MKI67: variants seen among roughly 807,000 people sequenced by gnomAD.
MKI67 encodes marker of proliferation Ki-67.
Under a neutral mutation model 233.5 loss-of-function variants are expected in MKI67, and 152 were observed. The observed-to-expected ratio is 0.65, with a 90% confidence interval of 0.57 to 0.74. MKI67 has a LOEUF of 0.74. MKI67 is among the 30% of genes least tolerant of loss of function. The pLI is 0.00. For synonymous variants in MKI67, 1,465 were observed against 1,418.5 expected, an observed-to-expected ratio of 1.03 and a Z score of -0.74; for missense variants, 3,940 against 3,885.2, an observed-to-expected ratio of 1.01 and a Z score of -0.37.
In MKI67 at chr10:128,115,104, G is replaced by C. The variant is rs147894598; in HGVS notation, c.1304C>G (p.Thr435Arg). The C allele has an allele frequency of 1.2e-6, 2 of 1,614,070 alleles. No individual in the cohort carries two copies. The highest frequency in any genetic ancestry group is 1.7e-6 in the Non-Finnish European group (2 of 1,179,944). ...TGGCTCATTGTGAATTTCAGTTTCCGTAGGCAGAACTTCCACATCTGTAGG... is the reference window on the plus strand; with the variant it reads ...TGGCTCATTGTGAATTTCAGTTTCCCTAGGCAGAACTTCCACATCTGTAGG... ...SIPTDVEVLP[T>R]ETEIHNEPFL... The change falls in exon 7 of 15, where the codon ACG becomes AGG. Residue 435 changes from threonine to arginine, a missense_variant. Transcript: ENST00000368654.
Position 128,109,032 on chromosome 10 carries a change from A to C in MKI67, c.2808T>G (p.Ile936Met), listed in dbSNP as rs1364187780. The change falls in exon 13 of 15, where the codon ATT (isoleucine) becomes ATG (methionine). Residue 936 changes from isoleucine to methionine, a missense_variant. Coordinates refer to ENST00000368654, the MANE Select transcript of MKI67 (RefSeq NM_002417.5). ...TCTTTTCATCGTTTTCTTTTAATTCAATATTTTCCTTATATGTCTCAAAAG... is the reference window on the plus strand; with the variant it reads ...TCTTTTCATCGTTTTCTTTTAATTCCATATTTTCCTTATATGTCTCAAAAG... Reference protein sequence around the residue: ...ERPFETYKENIELKENDEKMK... With the variant: ...ERPFETYKENMELKENDEKMK... 1 of 1,613,892 alleles carries C rather than the reference A, an allele frequency of 6.2e-7. No individual in the cohort carries two copies. Among genetic ancestry groups the C allele is most frequent in the Non-Finnish European group, 8.5e-7 (1 of 1,179,990 alleles).
At chr10:128,113,312 T>TAATA (rs995056480) in intron 8 of MKI67, 115 bp downstream of exon 8, 2 of 1,219,868 alleles carry the variant, frequency 1.6e-6, no homozygotes, top group Admixed American at 2.3e-5. Context: ...CTTGTTTCTT[T>TAATA]AATAAATAAA....
chr10:128,101,426 C>T lies in MKI67; in HGVS notation c.9537G>A (p.Ala3179=), dbSNP rs866835750. The change falls in exon 14 of 15, where the codon GCG becomes GCA. Residue 3179 remains alanine, a synonymous_variant. Transcript: ENST00000368654. ...VAEESGGQKS[A]KVLMQNQKGK... ...CTTTCTGATTCTGCATGAGAACCTT[C>T]GCACTCTTCTGCCCTCCGCTCTCCT... 1.7e-5 allele frequency: 27 copies of T among 1,614,060 alleles called. No homozygotes were observed. Among genetic ancestry groups the T allele is most frequent in the Non-Finnish European group, 1.9e-5 (22 of 1,180,034 alleles).
intron 14 of MKI67, 29 bp from the exon 15 acceptor site, chr10:128,099,284 TTAAG>T (rs1852281693): frequency 1.9e-6 from 3 of 1,587,578 alleles, no homozygotes; most frequent in Admixed American, 1.7e-5. Context: ...AATAGAACTC[TTAAG>T]TAATTTAAAC....
Position 128,102,636 on chromosome 10 carries a change from G to A in MKI67, c.9204C>T (p.Asn3068=), listed in dbSNP as rs575407769. ...RIEPAEELNS[N]DMKTNKEEHK... ...GTTCCTCTTTGTTGGTTTTCATGTC[G>A]TTGCTGTTCAGCTCTTCCGCAGGTT... The change falls in exon 13 of 15, where the codon AAC becomes AAT. Residue 3068 remains asparagine (N), a synonymous_variant. Coordinates refer to ENST00000368654, the MANE Select transcript of MKI67 (RefSeq NM_002417.5). 19 of 1,614,084 alleles carry A rather than the reference G, an allele frequency of 1.2e-5. No homozygotes were observed. In the East Asian group the frequency reaches 2.5e-4, roughly 21 times the overall value.
intron 6 of MKI67, among the ~76,000 whole-genome samples, 173 bp from the exon 7 acceptor site, chr10:128,116,180 T>C (rs1590314693): frequency 6.6e-6 from 1 of 152,238 alleles, no homozygotes; most frequent in South Asian, 2.1e-4. Flanking sequence ...AGTATTATGA[T>C]ACAAATATAT....
Position 128,102,701 on chromosome 10 carries a change from T to C in MKI67, c.9139A>G (p.Ile3047Val), listed in dbSNP as rs370932907. 2.2e-5 allele frequency: 35 copies of C among 1,614,146 alleles called. No individual in the cohort carries two copies. The highest frequency in any genetic ancestry group is 1.6e-5 in the Non-Finnish European group (19 of 1,180,054). ...GAAGTCCTCAAACTTCTCTTCATGA[T>C]GACCACGGGTTCGGATGATTTGCCT... The part of the protein sequence containing the change: ...ARGKSSEPVV[I>V]MKRSLRTSAK... The change falls in exon 13 of 15, where the codon ATC becomes GTC. Residue 3047 changes from isoleucine to valine, a missense_variant. Coordinates refer to ENST00000368654, the MANE Select transcript of MKI67 (RefSeq NM_002417.5).
Position 128,104,964 on chromosome 10 carries a change from C to G in MKI67, c.6876G>C (p.Leu2292=). The change falls in exon 13 of 15, where the codon CTG becomes CTC. Residue 2292 remains leucine (L), a synonymous_variant. Coordinates refer to ENST00000368654, the MANE Select transcript of MKI67 (RefSeq NM_002417.5). Reference sequence around the variant, plus strand: ...TTTTGCTGCCAGGTAAATTTCCTGGCAGGTCCAATTTCTGCACTGGAGTTC... The same window carrying G: ...TTTTGCTGCCAGGTAAATTTCCTGGGAGGTCCAATTTCTGCACTGGAGTTC... ...FMGTPVQKLD[L]PGNLPGSKRW... is the part of the protein sequence containing the mutation. The G allele has an allele frequency of 1.2e-6, 2 of 1,613,126 alleles. No homozygotes were observed. The highest frequency in any genetic ancestry group is 1.7e-6 in the Non-Finnish European group (2 of 1,179,894).
rs150995439 is a variant in MKI67, at chr10:128,106,831, C to T, written c.5009G>A (p.Gly1670Asp). 21 of 1,613,864 alleles carry T rather than the reference C, an allele frequency of 1.3e-5. No homozygotes were observed. The highest frequency in any genetic ancestry group is 1.7e-5 in the Admixed American group (1 of 59,988). ...THTHTEPTGD[G>D]KSMKAFMESP... Reference sequence around the variant, plus strand: ...CTCCATAAATGCTTTCATGCTCTTACCATCTCCTGTTGGCTCTGTGTGTGT... The same window carrying T: ...CTCCATAAATGCTTTCATGCTCTTATCATCTCCTGTTGGCTCTGTGTGTGT... The change falls in exon 13 of 15, where the codon GGT (glycine) becomes GAT (aspartate). Residue 1670 changes from glycine to aspartate, a missense_variant. Coordinates refer to ENST00000368654, the MANE Select transcript of MKI67 (RefSeq NM_002417.5).
Position 128,107,164 on chromosome 10 carries a change from A to C in MKI67, c.4676T>G (p.Val1559Gly). 3 of 1,613,712 alleles carry C rather than the reference A, an allele frequency of 1.9e-6. No individual in the cohort carries two copies. The highest frequency in any genetic ancestry group is 1.7e-6 in the Non-Finnish European group (2 of 1,179,968). The change falls in exon 13 of 15, where the codon GTG becomes GGG. Residue 1559 changes from valine (V) to glycine (G), a missense_variant. Coordinates refer to ENST00000368654, the MANE Select transcript of MKI67 (RefSeq NM_002417.5). The stretch of plus-strand genomic sequence containing the variant: ...GTTCTCTGTCAGGTCCAGTTTCTGC[A>C]CTGGAGTTCCCATAAATGCGTAGAT... ...KNIYAFMGTP[V>G]QKLDLTENLT...
intron 7 of MKI67, 81 bp downstream of exon 7, chr10:128,114,847 T>C (rs1852762804): frequency 3.0e-6 from 4 of 1,327,342 alleles, no homozygotes; most frequent in Non-Finnish European, 4.1e-6. Flanking sequence ...AGCTAATCAC[T>C]ACTGAAAGAA....
Position 128,105,003 on chromosome 10 carries a change from C to T in MKI67, c.6837G>A (p.Met2279Ile), listed in dbSNP as rs1387961900. Residue 2279 changes from methionine to isoleucine, a missense_variant, in exon 13 of 15, where the codon ATG becomes ATA. Transcript: ENST00000368654. ...PKPAGGDEKDMKAFMGTPVQK... is the reference protein window; with the variant it reads ...PKPAGGDEKDIKAFMGTPVQK... Reference sequence around the variant, plus strand: ...GCACTGGAGTTCCCATAAATGCTTTCATGTCTTTCTCATCACCTCCTGCTG... The same window carrying T: ...GCACTGGAGTTCCCATAAATGCTTTTATGTCTTTCTCATCACCTCCTGCTG... 2.5e-5 allele frequency: 40 copies of T among 1,612,316 alleles called. No homozygotes were observed. Among genetic ancestry groups the T allele is most frequent in the Non-Finnish European group, 3.1e-5 (37 of 1,179,620 alleles).
rs1565012141 is a variant in MKI67, at chr10:128,115,425, G to T, written c.983C>A (p.Thr328Asn). Residue 328 changes from threonine (T) to asparagine (N), a missense_variant, in exon 7 of 15, where the codon ACT becomes AAT. By Grantham distance (65) the Thr-to-Asn change is moderately conservative (BLOSUM62 0). Coordinates refer to ENST00000368654, the MANE Select transcript of MKI67 (RefSeq NM_002417.5). ...GKGRDVESVQ[T>N]PSKAVGASFP... Reference sequence around the variant, plus strand: ...GCTGGCGCCCACAGCCTTGCTGGGAGTCTGAACAGACTCCACGTCTCTTCC... The same window carrying T: ...GCTGGCGCCCACAGCCTTGCTGGGATTCTGAACAGACTCCACGTCTCTTCC... The T allele has an allele frequency of 1.2e-6, 2 of 1,614,080 alleles. No homozygotes were observed. The highest frequency in any genetic ancestry group is 1.7e-6 in the Non-Finnish European group (2 of 1,180,004).
At position 128,108,367 on chromosome 10, in the gene MKI67, T is replaced by G; in HGVS notation, c.3473A>C (p.Glu1158Ala). 14 of 1,613,820 alleles carry G rather than the reference T, an allele frequency of 8.7e-6. No individual in the cohort carries two copies. Among genetic ancestry groups the G allele is most frequent in the Non-Finnish European group, 1.2e-5 (14 of 1,179,950 alleles). ...KRSLRKADVE[E>A]EFLALRKLTP... is the part of the protein sequence containing the mutation. Reference sequence around the variant, plus strand: ...TAGTTTCCTGAGTGCTAAGAATTCTTCCTCTACATCTGCTTTCCTGAGACT... The same window carrying G: ...TAGTTTCCTGAGTGCTAAGAATTCTGCCTCTACATCTGCTTTCCTGAGACT... Residue 1158 changes from glutamate (E) to alanine (A), a missense_variant, in exon 13 of 15, where the codon GAA becomes GCA. Coordinates refer to ENST00000368654, the MANE Select transcript of MKI67 (RefSeq NM_002417.5).
chr10:128,112,944 A>T (rs1411063686), intron 8 of MKI67, among the ~76,000 whole-genome samples: 1 of 152,256 alleles, frequency 6.6e-6, no homozygotes, highest in Non-Finnish European at 1.5e-5. Flanking sequence ...AGGACAACAC[A>T]GCAAAGGAAC....
Position 128,108,408 on chromosome 10 carries a change from C to T in MKI67, c.3432G>A (p.Lys1144=). The change falls in exon 13 of 15, where the codon AAG becomes AAA. Residue 1144 remains lysine, a synonymous_variant. Transcript: ENST00000368654. ...TCCTGAGACTTCTCTTAGGCCATTGCTTTGTGCTTGTTGGAGTGTCCACTG... is the reference window on the plus strand; with the variant it reads ...TCCTGAGACTTCTCTTAGGCCATTGTTTTGTGCTTGTTGGAGTGTCCACTG... The part of the protein sequence containing the change: ...PESVDTPTST[K]QWPKRSLRKA... 2 of 1,614,142 alleles carry T rather than the reference C, an allele frequency of 1.2e-6. No individual in the cohort carries two copies. Among genetic ancestry groups the T allele is most frequent in the South Asian group, 2.2e-5 (2 of 91,078 alleles).
In MKI67 at chr10:128,112,272, C is replaced by CT; in HGVS notation, c.1829dup (p.Thr611AspfsTer5). 1.2e-6 allele frequency: 2 copies of CT among 1,614,216 alleles called. No homozygotes were observed. The highest frequency in any genetic ancestry group is 8.5e-7 in the Non-Finnish European group (1 of 1,180,052). ...TCCCTCCTCTCTTAGGAACCTCTGT[C>CT]TGAGATTTGCTGCTGGAAGCAGGGG... On this transcript the variant is annotated frameshift_variant, in exon 9 of 15. Transcript: ENST00000368654. LOFTEE classifies it high-confidence loss of function.
At position 128,109,035 on chromosome 10, in the gene MKI67, A is replaced by G. The variant is rs1276704799; in HGVS notation, c.2805T>C (p.Asn935=). 3 of 1,613,618 alleles carry G rather than the reference A, an allele frequency of 1.9e-6. No homozygotes were observed. Among genetic ancestry groups the G allele is most frequent in the African/African-American group, 2.7e-5 (2 of 74,752 alleles). ...TTTCATCGTTTTCTTTTAATTCAATATTTTCCTTATATGTCTCAAAAGGTC... is the reference window on the plus strand; with the variant it reads ...TTTCATCGTTTTCTTTTAATTCAATGTTTTCCTTATATGTCTCAAAAGGTC... ...IERPFETYKE[N]IELKENDEKM... is the part of the protein sequence containing the mutation. The change falls in exon 13 of 15, where the codon AAT becomes AAC. Residue 935 remains asparagine (N), a synonymous_variant. Transcript: ENST00000368654.
rs868244036 is a variant in MKI67, at chr10:128,102,490, T to G, written c.9261+89A>C. On this transcript the variant is annotated intron_variant, in intron 13 of 14. Coordinates refer to ENST00000368654, the MANE Select transcript of MKI67 (RefSeq NM_002417.5). ...AACCCTCTGGGGAAAGGATAACCAC[T>G]TATAACGTCAGGTTACATGCAAAGT... 2.7e-6 allele frequency: 4 copies of G among 1,487,544 alleles called. No homozygotes were observed. The Middle Eastern group carries it at 5.4e-4, about 203-fold the overall frequency. The allele number at this position is 1,487,544 out of a possible 1,614,324, so 92.1% of individuals were successfully genotyped here.
Sources: allele counts gnomAD v4.1 joint callset (sites outside exome capture counted in the v4.1 genomes callset), GRCh38; gene constraint gnomAD v4.1.1; transcripts MANE v1.5; gene names NCBI Gene and HGNC (gene_info 2026-07-23, HGNC 2026-07-21).